The following HDLBP variants were observed in gnomAD, a reference collection of about 807,000 sequenced individuals.
HDLBP encodes high density lipoprotein binding protein, also known as vigilin.
In HDLBP, 30 loss-of-function variants were observed where a neutral mutation model predicts 137.3. The observed-to-expected ratio is 0.22, with a 90% CI of 0.16 to 0.30. The LOEUF (loss-of-function observed/expected upper bound fraction) is 0.30. HDLBP is among the 10% of genes least tolerant of loss of function. The pLI is 1.00. For missense variants in HDLBP, 1,119 were observed against 1,667.3 expected, an observed-to-expected ratio of 0.67 and a Z score of 5.73; for synonymous variants, 606 against 596.0, an observed-to-expected ratio of 1.02 and a Z score of -0.24.
intron 16 of HDLBP, 85 bp downstream of exon 16, chr2:241,246,667 C>A: frequency 7.4e-7 from 1 of 1,360,152 alleles, no homozygotes. Flanking sequence ...GCCCAATGAC[C>A]CTGCGTGACT....
chr2:241,304,642 G>A (rs142303717), intron 1 of HDLBP, among the ~76,000 whole-genome samples: 13 of 152,342 alleles, frequency 8.5e-5, no homozygotes, highest in Admixed American at 2.0e-4. Context: ...ATCAATGAAA[G>A]ATATTCAAAA....
chr2:241,277,638 C>A (rs2074438441), intron 1 of HDLBP, among the ~76,000 whole-genome samples: 1 of 152,130 alleles, frequency 6.6e-6, no homozygotes, highest in Admixed American at 6.5e-5. Context: ...AATAACCAAC[C>A]TTCCCCAATC....
chr2:241,285,243 T>A (rs2074758615), intron 1 of HDLBP, among the ~76,000 whole-genome samples: 1 of 152,252 alleles, frequency 6.6e-6, no homozygotes, highest in Admixed American at 6.5e-5. Flanking sequence ...AGCTTTTATA[T>A]GCACTGGGAA....
At position 241,236,867 on chromosome 2, in the gene HDLBP, G is replaced by C. The variant is rs552662223; in HGVS notation, c.2750-98C>G. ...GTCTGTGAGGCACCTGCTGGGTGCT[G>C]GGTGGTAAAAGGGAGGGAAAACCAC... On this transcript the variant is annotated intron_variant, in intron 20 of 27. Transcript: ENST00000310931. The C allele has an allele frequency of 3.0e-6, 4 of 1,344,582 alleles. No individual in the cohort carries two copies. The African/African-American group carries it at 5.8e-5, about 20-fold the overall frequency. The allele number at this position is 1,344,582 out of a possible 1,614,324, so 83.3% of individuals were successfully genotyped here.
At chr2:241,274,652 T>C (rs941162746) in intron 1 of HDLBP, among the ~76,000 whole-genome samples, 5 of 152,220 alleles carry the variant, frequency 3.3e-5, no homozygotes, top group Non-Finnish European at 7.3e-5. Flanking sequence ...TAAAAAACAC[T>C]GTTAGCAGAA....
At chr2:241,308,324 A>G (rs1401376236) in intron 1 of HDLBP, among the ~76,000 whole-genome samples, 16 of 152,236 alleles carry the variant, frequency 1.1e-4, no homozygotes, top group African/African-American at 3.6e-4. Context: ...TCTGGGCAAC[A>G]GAGCAGTAGG....
At chr2:241,301,771 GTTTT>G (rs200273002) in intron 1 of HDLBP, among the ~76,000 whole-genome samples, 1 of 144,244 alleles carries the variant, frequency 6.9e-6, no homozygotes, top group Non-Finnish European at 1.5e-5. Flanking sequence ...CTTTCGTTTT[GTTTT>G]TTTTTTTAAT....
chr2:241,308,861 T>A (rs774960688), intron 1 of HDLBP, among the ~76,000 whole-genome samples: 1 of 152,124 alleles, frequency 6.6e-6, no homozygotes, highest in Admixed American at 6.5e-5. Flanking sequence ...CAGTACTGGG[T>A]CACTCTGCTC....
intron 4 of HDLBP, 25 bp from the exon 5 acceptor site, chr2:241,262,951 A>C: frequency 6.3e-7 from 1 of 1,576,988 alleles, no homozygotes; most frequent in Non-Finnish European, 8.7e-7. Context: ...TCAAAAAAGG[A>C]AAGGTTAAGA....
intron 1 of HDLBP, among the ~76,000 whole-genome samples, chr2:241,290,409 G>T (rs1444132341): frequency 6.6e-6 from 1 of 152,034 alleles, no homozygotes; most frequent in Admixed American, 6.6e-5. Context: ...TCGGGAGTTC[G>T]AGACCAGCCT....
intron 2 of HDLBP, 160 bp downstream of exon 2, chr2:241,268,317 G>A (rs1223788625): frequency 4.4e-6 from 1 of 224,968 alleles, no homozygotes; most frequent in Non-Finnish European, 7.4e-6. Flanking sequence ...TTCCTGCTGG[G>A]AGGTGAAGCT....
intron 12 of HDLBP, among the ~76,000 whole-genome samples, chr2:241,248,628 A>T (rs2071869631): frequency 6.6e-6 from 1 of 152,164 alleles, no homozygotes; most frequent in Non-Finnish European, 1.5e-5. Context: ...AGGACCCTTC[A>T]ACCAAAAGTG....
At chr2:241,244,695 A>T (rs1233457223) in intron 16 of HDLBP, among the ~76,000 whole-genome samples, 2 of 152,232 alleles carry the variant, frequency 1.3e-5, no homozygotes, top group Non-Finnish European at 2.9e-5. Context: ...CTTCAGACAG[A>T]AGGAAAATGA....
intron 12 of HDLBP, chr2:241,249,414 G>C (rs187310448): frequency 8.4e-6 from 4 of 476,110 alleles, no homozygotes; most frequent in Non-Finnish European, 4.3e-6. Flanking sequence ...GGGGAGCCCA[G>C]AGCAGTGCAG....
chr2:241,262,341 T>A (rs763609094), intron 5 of HDLBP, among the ~76,000 whole-genome samples: 1 of 152,162 alleles, frequency 6.6e-6, no homozygotes, highest in African/African-American at 2.4e-5. Context: ...CCCAGCTAAC[T>A]GGGAGGCTAG....
At position 241,255,358 on chromosome 2, in the gene HDLBP, G is replaced by A; in HGVS notation, c.1080+16C>T. 1 of 1,609,388 alleles carries A rather than the reference G, an allele frequency of 6.2e-7. No individual in the cohort carries two copies. The highest frequency in any genetic ancestry group is 1.1e-5 in the South Asian group (1 of 90,986). On this transcript the variant is annotated intron_variant, in intron 8 of 27. Coordinates refer to ENST00000310931, the MANE Select transcript of HDLBP (RefSeq NM_005336.6). ...TCCACTCAAAGGAGACACACTTCAT[G>A]CTCGGAGGCAGTTACCTTGGCATAG... is the stretch of plus-strand genomic sequence containing the variant.
intron 1 of HDLBP, chr2:241,273,702 C>T (rs1380577963): frequency 3.1e-6 from 3 of 974,882 alleles, no homozygotes; most frequent in African/African-American, 1.8e-5. Context: ...GGGACAAGAC[C>T]GTCCCACACA....
chr2:241,240,151 C>T lies in HDLBP; in HGVS notation c.2170-29G>A. The stretch of plus-strand genomic sequence containing the variant: ...CAGAAACCAATCCCACTGTGTTAGC[C>T]TGACACCACGTGCCTGGACCACAGT... On this transcript the variant is annotated intron_variant, in intron 17 of 27. Transcript: ENST00000310931. This position sits in a 1 kb window ranked among gnomAD's most constrained non-coding sequence, Gnocchi z 5.5. 6.2e-7 allele frequency: 1 copy of T among 1,606,888 alleles called. No homozygotes were observed. Among genetic ancestry groups the T allele is most frequent in the Non-Finnish European group, 8.5e-7 (1 of 1,173,386 alleles).
intron 16 of HDLBP, among the ~76,000 whole-genome samples, chr2:241,245,093 C>G (rs1394105745): frequency 6.6e-6 from 1 of 151,942 alleles, no homozygotes. Flanking sequence ...GTTATTTAAC[C>G]GTGTTTGTTA....
Sources: allele counts gnomAD v4.1 joint callset (sites outside exome capture counted in the v4.1 genomes callset), GRCh38; gene constraint gnomAD v4.1.1; non-coding constraint Gnocchi (gnomAD v3.1); transcripts MANE v1.5; gene names NCBI Gene and HGNC (gene_info 2026-07-23, HGNC 2026-07-21).